Variants in CFAP20DC observed in about 807,000 individuals in gnomAD.
CFAP20DC encodes the protein protein CFAP20DC.
CFAP20DC carries 84 observed loss-of-function variants against 101.7 expected under a neutral mutation model. That is an observed-to-expected ratio of 0.83 (90% CI 0.69 to 0.99). The LOEUF (loss-of-function observed/expected upper bound fraction) is 0.99. Ranked by LOEUF, CFAP20DC falls within the 50% of genes least tolerant of loss-of-function variation. The probability of loss-of-function intolerance (pLI) is 0.00; values close to 1 mark genes in which losing one functional copy is unlikely to be tolerated. For missense variants in CFAP20DC, 1,007 were observed against 970.3 expected, an observed-to-expected ratio of 1.04 and a Z score of -0.50; for synonymous variants, 359 against 351.2, an observed-to-expected ratio of 1.02 and a Z score of -0.25.
At position 58,788,093 on chromosome 3, in the gene CFAP20DC, A is replaced by G. The variant is rs562009641; in HGVS notation, c.2237+18302T>C. ...ATGGCATGTGTATACCTATACATAT[A>G]TAACAAACCTGCATGTTCTGCACAT... is the stretch of plus-strand genomic sequence containing the variant. On this transcript the variant is annotated intron_variant, in intron 15 of 16. Coordinates refer to ENST00000482387, the MANE Select transcript of CFAP20DC (RefSeq NM_001394063.1). This position sits in a 1 kb window ranked among gnomAD's most constrained non-coding sequence, Gnocchi z 4.2. Among the ~76,000 whole-genome samples, 5 of 152,118 alleles carry G rather than the reference A, an allele frequency of 3.3e-5. No individual in the cohort carries two copies. In the South Asian group the frequency reaches 1.0e-3, roughly 32 times the overall value.
intron 15 of CFAP20DC, among the ~76,000 whole-genome samples, chr3:58,764,334 C>T (rs1466545765): frequency 1.3e-5 from 2 of 152,180 alleles, no homozygotes; most frequent in East Asian, 3.9e-4. Context: ...ATCCTCCGAG[C>T]CAGGCGTGGG....
At chr3:58,734,017 G>T (rs895267123) in intron 3 of CFAP20DC, among the ~76,000 whole-genome samples, 1 of 152,208 alleles carries the variant, frequency 6.6e-6, no homozygotes, top group African/African-American at 2.4e-5. Context: ...GGAGGAACCT[G>T]GTGGGAGGTG....
chr3:58,925,493 C>T (rs1203402434), intron 5 of CFAP20DC, among the ~76,000 whole-genome samples: 1 of 152,130 alleles, frequency 6.6e-6, no homozygotes, highest in African/African-American at 2.4e-5. Context: ...CAGACCTTGG[C>T]CCACAGCAGG....
Position 58,849,391 on chromosome 3 carries a change from C to T in CFAP20DC, c.1612G>A (p.Gly538Ser). Residue 538 changes from glycine to serine, a missense_variant, in exon 13 of 17, where the codon GGT becomes AGT. Gly to Ser is a moderately conservative substitution (Grantham distance 56, BLOSUM62 0). Transcript: ENST00000482387. ...GGACCAGTTGTTGGGCCTCGAGAAC[C>T]CTGGATACTGTGGTTACCCTATGTT... ...SSEEGNHSIQ[G>S]SRGPTTGPSE... The T allele has an allele frequency of 6.5e-7, 1 of 1,532,422 alleles. No individual in the cohort carries two copies. Among genetic ancestry groups the T allele is most frequent in the Admixed American group, 2.0e-5 (1 of 50,260 alleles). The allele number at this position is 1,532,422 out of a possible 1,614,324, so 94.9% of individuals were successfully genotyped here. A position where few individuals can be genotyped will look rare whatever the true frequency, so the allele number is the denominator to read the frequency against.
chr3:58,873,156 T>G (rs1312651888), intron 7 of CFAP20DC, among the ~76,000 whole-genome samples: 21 of 137,236 alleles, frequency 1.5e-4, no homozygotes, highest in East Asian at 4.5e-4. Context: ...GGATAGCTAT[T>G]CTGGATGCTG....
At chr3:58,763,870 A>G (rs984358022) in intron 15 of CFAP20DC, among the ~76,000 whole-genome samples, 2 of 152,146 alleles carry the variant, frequency 1.3e-5, no homozygotes, top group African/African-American at 2.4e-5. Context: ...GTGAACAGCA[A>G]ATGTTGCTGC....
rs931514012 is a variant in CFAP20DC, at chr3:59,049,981, C to G, written c.-350G>C. 1.1e-5 allele frequency: 3 copies of G among 272,152 alleles called. No homozygotes were observed. Among genetic ancestry groups the G allele is most frequent in the Non-Finnish European group, 2.1e-5 (3 of 144,474 alleles). 16.9% of individuals were successfully genotyped at this position (272,152 alleles called of 1,614,324 possible). A position where few individuals can be genotyped will look rare whatever the true frequency, so the allele number is the denominator to read the frequency against. Reference sequence around the variant, plus strand: ...GAGCCACAGACAACCGCCCGCTGGCCTAGGAAAAGCGGGCGCGCTCCCGCT... The same window carrying G: ...GAGCCACAGACAACCGCCCGCTGGCGTAGGAAAAGCGGGCGCGCTCCCGCT... On this transcript the variant is annotated 5_prime_UTR_variant, in exon 1 of 17. Transcript: ENST00000482387.
intron 15 of CFAP20DC, among the ~76,000 whole-genome samples, chr3:58,757,270 G>C (rs1178793341): frequency 4.6e-5 from 7 of 152,060 alleles, no homozygotes; most frequent in Non-Finnish European, 1.0e-4. Context: ...GGTGAGAACT[G>C]ATACTTTAAA....
chr3:58,867,973 A>C (rs774264787), intron 9 of CFAP20DC, 37 bp from the exon 10 acceptor site: 1 of 1,576,930 alleles, frequency 6.3e-7, no homozygotes, highest in African/African-American at 1.4e-5. Context: ...GCCAGAACAG[A>C]AAGTGCTATA....
intron 15 of CFAP20DC, among the ~76,000 whole-genome samples, chr3:58,770,578 T>C (rs2107490796): frequency 6.6e-6 from 1 of 152,244 alleles, no homozygotes; most frequent in East Asian, 1.9e-4. Context: ...AGTGAAGAGA[T>C]GGAAGAATAT....
chr3:59,009,450 C>G (rs1248146289), intron 4 of CFAP20DC, among the ~76,000 whole-genome samples: 1 of 151,506 alleles, frequency 6.6e-6, no homozygotes, highest in Non-Finnish European at 1.5e-5. Context: ...GAAAAACTTT[C>G]CAGAGGAATA....
At chr3:58,716,593 G>A (rs1382752575), downstream of CFAP20DC, among the ~76,000 whole-genome samples, 1 of 152,292 alleles carries the variant, frequency 6.6e-6, no homozygotes, top group Middle Eastern at 3.4e-3. Context: ...CTCACATGGA[G>A]AGCATCTGTA....
chr3:58,949,250 G>A (rs1164011545), intron 4 of CFAP20DC, among the ~76,000 whole-genome samples: 2 of 152,016 alleles, frequency 1.3e-5, no homozygotes, highest in South Asian at 2.1e-4. Context: ...TGGATTCATC[G>A]ATTTTTTGAA....
intron 15 of CFAP20DC, among the ~76,000 whole-genome samples, chr3:58,757,313 G>A (rs1042003404): frequency 2.6e-5 from 4 of 151,920 alleles, no homozygotes; most frequent in Non-Finnish European, 5.9e-5. Flanking sequence ...CTCATTATAC[G>A]TGGAGTTGAC....
rs1560036776 is a variant in CFAP20DC, at chr3:59,039,604, T to TACAAGAA, written c.224_230dup (p.Leu78SerfsTer16). On this transcript the variant is annotated frameshift_variant, in exon 4 of 17. Transcript: ENST00000482387. LOFTEE classifies it high-confidence loss of function. ...GTCCCAGGGGTACGTAAATCTGAAGTACAAGAAACCTCTGGATCAATCCAA... is the reference window on the plus strand; with the variant it reads ...GTCCCAGGGGTACGTAAATCTGAAGTACAAGAAACAAGAAACCTCTGGATCAATCCAA... 6.5e-7 allele frequency: 1 copy of TACAAGAA among 1,528,436 alleles called. No individual in the cohort carries two copies. The highest frequency in any genetic ancestry group is 8.8e-7 in the Non-Finnish European group (1 of 1,142,166). 94.7% of individuals were successfully genotyped at this position (1,528,436 alleles called of 1,614,324 possible).
At chr3:58,884,757 C>A in intron 6 of CFAP20DC, 48 bp from the exon 7 acceptor site, 1 of 1,404,614 alleles carries the variant, frequency 7.1e-7, no homozygotes, top group Non-Finnish European at 1.0e-6. Context: ...GCCATTTCTG[C>A]CAAATGGACC....
chr3:58,813,806 A>T (rs948673994), intron 14 of CFAP20DC, among the ~76,000 whole-genome samples: 1 of 151,950 alleles, frequency 6.6e-6, no homozygotes, highest in African/African-American at 2.4e-5. Flanking sequence ...AATTGAACCA[A>T]TATCAATGCA....
intron 15 of CFAP20DC, among the ~76,000 whole-genome samples, chr3:58,760,842 T>G (rs1016472033): frequency 1.4e-4 from 22 of 152,260 alleles, no homozygotes; most frequent in East Asian, 3.9e-4. Flanking sequence ...TACATTTATT[T>G]ATTTGCGTAT....
At chr3:58,725,659 C>T (rs936569006) in intron 3 of CFAP20DC, among the ~76,000 whole-genome samples, 4 of 152,162 alleles carry the variant, frequency 2.6e-5, no homozygotes, top group Admixed American at 1.3e-4. Context: ...TTTTTTTGAG[C>T]TGGTTGGCTG....
Sources: allele counts gnomAD v4.1 joint callset (sites outside exome capture counted in the v4.1 genomes callset), GRCh38; gene constraint gnomAD v4.1.1; non-coding constraint Gnocchi (gnomAD v3.1); transcripts MANE v1.5; gene names NCBI Gene and HGNC (gene_info 2026-07-23, HGNC 2026-07-21).